SHISA9: variants seen among roughly 807,000 people sequenced by gnomAD.
SHISA9 encodes the protein shisa family member 9, also known as protein shisa-9.
SHISA9 carries 13 observed loss-of-function variants against 38.0 expected under a neutral mutation model. The observed-to-expected ratio is 0.34, with a 90% CI of 0.22 to 0.54. The LOEUF is 0.54. SHISA9 is among the 20% of genes least tolerant of loss of function. The pLI is 0.91. For missense variants in SHISA9, 538 were observed against 575.8 expected (o/e 0.93, Z 0.67); for synonymous variants, 275 against 242.0 (o/e 1.14, Z -1.27).
chr16:13,090,229 G>C (rs276634), intron 2 of SHISA9, among the ~76,000 whole-genome samples: 2,809 of 152,258 alleles, frequency 0.018, 85 homozygotes, highest in African/African-American at 0.063. Flanking sequence ...CAATTATGTG[G>C]TCAATTTTAG....
chr16:12,980,364 A>G (rs183171385), intron 2 of SHISA9, among the ~76,000 whole-genome samples: 1 of 152,316 alleles, frequency 6.6e-6, no homozygotes, highest in African/African-American at 2.4e-5. Flanking sequence ...TTAATTGGAT[A>G]TAATATGTTA....
At chr16:12,952,177 TG>T (rs1266828350) in intron 2 of SHISA9, among the ~76,000 whole-genome samples, 1 of 152,242 alleles carries the variant, frequency 6.6e-6, no homozygotes, top group Non-Finnish European at 1.5e-5. Context: ...TACAAAATCC[TG>T]GGGAAACAGC....
At chr16:12,906,372 G>A (rs1443294381) in intron 1 of SHISA9, among the ~76,000 whole-genome samples, 1 of 152,198 alleles carries the variant, frequency 6.6e-6, no homozygotes, top group Non-Finnish European at 1.5e-5. Context: ...ATACCAGTTT[G>A]CAGGTTCAGA....
In SHISA9 at chr16:13,190,482, T is replaced by C. The variant is rs533624152; in HGVS notation, c.692-12912T>C. On this transcript the variant is annotated intron_variant, in intron 2 of 4. Transcript: ENST00000558583. The stretch of plus-strand genomic sequence containing the variant: ...CTTCAAATCAAAATGGAACTCCTCC[T>C]CTTCTTTTTGCTGCCTTTGAAACTC... Among the ~76,000 whole-genome samples, 5 of 152,336 alleles carry C rather than the reference T, an allele frequency of 3.3e-5. No homozygotes were observed. The South Asian group carries it at 1.0e-3, about 32-fold the overall frequency.
chr16:13,113,935 A>G lies in SHISA9; in HGVS notation c.692-89459A>G, dbSNP rs189369875. Among the ~76,000 whole-genome samples the G allele has an allele frequency of 9.9e-5, 15 of 152,182 alleles. No homozygotes were observed. In the East Asian group the frequency reaches 2.9e-3, roughly 30 times the overall value. On this transcript the variant is annotated intron_variant, in intron 2 of 4. Coordinates refer to ENST00000558583, the MANE Select transcript of SHISA9 (RefSeq NM_001145204.3). ...GCCTTCTTCTGTCACTCCATTATTC[A>G]TTTGTTCATTCATTCAGCAAAGCGC...
the SHISA9 span, among the ~76,000 whole-genome samples, chr16:13,410,523 G>C: frequency 6.6e-6 from 1 of 152,166 alleles, no homozygotes; most frequent in Admixed American, 6.5e-5. Context: ...TGGCTTAACA[G>C]ATATGGGTTG....
chr16:13,137,552 T>C (rs1472290496), intron 2 of SHISA9, among the ~76,000 whole-genome samples: 1 of 150,910 alleles, frequency 6.6e-6, no homozygotes, highest in Admixed American at 6.6e-5. Flanking sequence ...GCCTCCCGGG[T>C]TCAAGTGATT....
chr16:13,194,388 A>T (rs2050917059), intron 2 of SHISA9, among the ~76,000 whole-genome samples: 1 of 152,214 alleles, frequency 6.6e-6, no homozygotes. Flanking sequence ...CTAGAGTCAG[A>T]CTGTCAGGTT....
At chr16:13,009,271 G>A (rs1596581474) in intron 2 of SHISA9, among the ~76,000 whole-genome samples, 1 of 152,106 alleles carries the variant, frequency 6.6e-6, no homozygotes, top group South Asian at 2.1e-4. Flanking sequence ...TTTAAGCTGG[G>A]TTCAGAACCA....
the SHISA9 span, among the ~76,000 whole-genome samples, chr16:13,439,077 A>G: frequency 1.3e-5 from 2 of 152,214 alleles, no homozygotes; most frequent in African/African-American, 2.4e-5. Flanking sequence ...CAAATAGTGC[A>G]TGAGCTCACT....
chr16:12,967,593 A>C (rs2071996742), intron 2 of SHISA9, among the ~76,000 whole-genome samples: 1 of 151,800 alleles, frequency 6.6e-6, no homozygotes, highest in Non-Finnish European at 1.5e-5. Flanking sequence ...AATAAATATT[A>C]TTATCCCTGT....
chr16:12,987,136 A>G (rs899671280), intron 2 of SHISA9, among the ~76,000 whole-genome samples: 1 of 152,184 alleles, frequency 6.6e-6, no homozygotes, highest in Non-Finnish European at 1.5e-5. Flanking sequence ...GCCCTGGAAC[A>G]CCAAGAAGTC....
At chr16:12,994,936 T>G (rs1267614198) in intron 2 of SHISA9, among the ~76,000 whole-genome samples, 2 of 152,190 alleles carry the variant, frequency 1.3e-5, no homozygotes, top group African/African-American at 4.8e-5. Flanking sequence ...CACAGATGAA[T>G]ATATGTGTTT....
chr16:13,466,647 A>C, the SHISA9 span, among the ~76,000 whole-genome samples: 1 of 152,216 alleles, frequency 6.6e-6, no homozygotes, highest in African/African-American at 2.4e-5. Flanking sequence ...GAAGATTGTA[A>C]CTGTAATGAG....
intron 2 of SHISA9, among the ~76,000 whole-genome samples, chr16:13,147,338 G>A (rs1401790345): frequency 6.6e-6 from 1 of 152,012 alleles, no homozygotes; most frequent in East Asian, 1.9e-4. Context: ...TACAACCAAG[G>A]GTTTGCCCAA....
chr16:13,491,818 CTTTTTTTTTTTTTTTTTTTTTTT>C, the SHISA9 span, among the ~76,000 whole-genome samples: 9 of 44,506 alleles, frequency 2.0e-4, 1 homozygote, highest in East Asian at 1.1e-3. Flanking sequence ...ATTTATTGAC[CTTTTTTTTTTTTTTTTTTTTTTT>C]TTTTTTTTTT....
Position 12,902,035 on chromosome 16 carries a change from C to T in SHISA9, c.-30C>T. On this transcript the variant is annotated 5_prime_UTR_variant, in exon 1 of 5. The change creates a premature stop within an existing upstream ORF in the 5' untranslated region. Transcript: ENST00000558583. ...CGGCCGCAGAGGCTCCAGCGGCGGC[C>T]GAGCGGCCGAGCCCGGGCTGGGAGA... 1 of 1,430,958 alleles carries T rather than the reference C, an allele frequency of 7.0e-7. No individual in the cohort carries two copies. 88.6% of individuals were successfully genotyped at this position (1,430,958 alleles called of 1,614,324 possible). A position where few individuals can be genotyped will look rare whatever the true frequency, so the allele number is the denominator to read the frequency against.
At chr16:13,491,581 G>T in the SHISA9 span, among the ~76,000 whole-genome samples, 1 of 151,866 alleles carries the variant, frequency 6.6e-6, no homozygotes, top group East Asian at 1.9e-4. Context: ...TCCACCTCTA[G>T]GGTTCAAGCA....
chr16:13,547,087 C>A, the SHISA9 span, among the ~76,000 whole-genome samples: 1 of 152,126 alleles, frequency 6.6e-6, no homozygotes, highest in Non-Finnish European at 1.5e-5. Context: ...GTTTTAATTT[C>A]TTCATAAAGC....
Sources: gnomAD v4.1 joint callset for allele counts (sites outside exome capture counted in the v4.1 genomes callset) on GRCh38, gnomAD v4.1.1 for gene constraint, MANE v1.5 for transcripts, NCBI Gene and HGNC (gene_info 2026-07-23, HGNC 2026-07-21) for gene names.